Variants in ZNF165 observed in about 807,000 individuals in gnomAD.
ZNF165 encodes the protein zinc finger protein 165.
In ZNF165, 14 loss-of-function variants were observed where a neutral mutation model predicts 19.6. That is an observed-to-expected ratio of 0.71 (90% confidence interval 0.47 to 1.12). ZNF165 has a LOEUF of 1.12. Among genes scored for constraint, ZNF165 ranks in the 50% most tolerant of loss-of-function variants. The probability of loss-of-function intolerance (pLI) is 0.00; values close to 1 mark genes in which losing one functional copy is unlikely to be tolerated. For missense variants in ZNF165, 504 were observed against 566.3 expected (o/e 0.89, Z 1.12); for synonymous variants, 165 against 195.0 (o/e 0.85, Z 1.28).
At position 28,086,200 on chromosome 6, in the gene ZNF165, T is replaced by C. The variant is rs200718368; in HGVS notation, c.440T>C (p.Ile147Thr). The change falls in exon 3 of 4, where the codon ATA (isoleucine) becomes ACA (threonine). Residue 147 changes from isoleucine to threonine, a missense_variant. Physicochemically the swap from Ile to Thr is moderately conservative, Grantham distance 89 (BLOSUM62 -1). Transcript: ENST00000683778. Reference sequence around the variant, plus strand: ...CAAGCCCATGAACATGGACAAGAAATATTCCAGAAAAAAGTGTCACCTCCT... The same window carrying C: ...CAAGCCCATGAACATGGACAAGAAACATTCCAGAAAAAAGTGTCACCTCCT... Reference protein sequence around the residue: ...QVQAHEHGQEIFQKKVSPPGP... With the variant: ...QVQAHEHGQETFQKKVSPPGP... The C allele has an allele frequency of 1.2e-4, 194 of 1,614,118 alleles. No individual in the cohort carries two copies. In the Middle Eastern group the frequency reaches 2.3e-3, roughly 19 times the overall value.
chr6:28,081,827 A>G (rs1458367278), intron 1 of ZNF165, among the ~76,000 whole-genome samples: 1 of 152,242 alleles, frequency 6.6e-6, no homozygotes, highest in African/African-American at 2.4e-5. Flanking sequence ...TAGATGCTCA[A>G]TCAATATTTA....
intron 1 of ZNF165, among the ~76,000 whole-genome samples, chr6:28,084,154 T>A (rs1764217336): frequency 6.6e-6 from 1 of 152,182 alleles, no homozygotes; most frequent in Non-Finnish European, 1.5e-5. Flanking sequence ...AGGCCCCTAG[T>A]CTGCATCTCC....
At chr6:28,087,402 T>C (rs1351095348) in intron 3 of ZNF165, among the ~76,000 whole-genome samples, 1 of 152,138 alleles carries the variant, frequency 6.6e-6, no homozygotes, top group Non-Finnish European at 1.5e-5. Flanking sequence ...CCTGCCACCA[T>C]GCCCGGCTAA....
intron 1 of ZNF165, among the ~76,000 whole-genome samples, chr6:28,085,145 TTC>T (rs1313457259): frequency 6.6e-6 from 1 of 152,228 alleles, no homozygotes; most frequent in Non-Finnish European, 1.5e-5. Flanking sequence ...TATCCTTATT[TTC>T]TCTGTGACTT....
intron 2 of ZNF165, 22 bp from the exon 3 acceptor site, chr6:28,086,150 A>G: frequency 6.2e-7 from 1 of 1,605,644 alleles, no homozygotes; most frequent in Non-Finnish European, 8.5e-7. Flanking sequence ...TTATAAGCCC[A>G]AATGTACTTT....
chr6:28,084,345 G>A (rs1035965649), intron 1 of ZNF165, among the ~76,000 whole-genome samples: 1 of 152,180 alleles, frequency 6.6e-6, no homozygotes, highest in Non-Finnish European at 1.5e-5. Flanking sequence ...AGTCAACTTA[G>A]TGAAATGTTT....
rs1419200988 is a variant in ZNF165, at chr6:28,089,160, A to G, written c.1148A>G (p.Glu383Gly). 1.2e-6 allele frequency: 2 copies of G among 1,614,110 alleles called. No individual in the cohort carries two copies. Among genetic ancestry groups the G allele is most frequent in the African/African-American group, 2.7e-5 (2 of 74,944 alleles). The change falls in exon 4 of 4, where the codon GAG (glutamate) becomes GGG (glycine). Residue 383 changes from glutamate to glycine, a missense_variant. By Grantham distance (98) the Glu-to-Gly change is moderately conservative (BLOSUM62 -2). Coordinates refer to ENST00000683778, the MANE Select transcript of ZNF165 (RefSeq NM_001376491.1). ...AATGAATGTGGGAAAAGCTTTGCAG[A>G]GAGCTCAGATCTTACTAGACATCGG... Reference protein sequence around the residue: ...ECNECGKSFAESSDLTRHRRI... With the variant: ...ECNECGKSFAGSSDLTRHRRI...
intron 3 of ZNF165, among the ~76,000 whole-genome samples, chr6:28,088,134 G>A (rs1393586071): frequency 6.6e-6 from 1 of 152,186 alleles, no homozygotes; most frequent in East Asian, 1.9e-4. Context: ...ATACTTCACA[G>A]TCACTTATAG....
At chr6:28,087,021 C>A (rs1318883144) in intron 3 of ZNF165, among the ~76,000 whole-genome samples, 2 of 151,948 alleles carry the variant, frequency 1.3e-5, no homozygotes, top group Non-Finnish European at 2.9e-5. Context: ...TAACATAGAC[C>A]GTGATCCATA....
intron 1 of ZNF165, among the ~76,000 whole-genome samples, chr6:28,084,041 T>A (rs1764215503): frequency 6.6e-6 from 1 of 152,250 alleles, no homozygotes; most frequent in Non-Finnish European, 1.5e-5. Flanking sequence ...ATCTTTTCTA[T>A]TCTTCAAACT....
At position 28,089,262 on chromosome 6, in the gene ZNF165, G is replaced by A; in HGVS notation, c.1250G>A (p.Arg417Lys). The A allele has an allele frequency of 6.2e-7, 1 of 1,614,160 alleles. No homozygotes were observed. The highest frequency in any genetic ancestry group is 8.5e-7 in the Non-Finnish European group (1 of 1,180,030). Reference protein sequence around the residue: ...RAFNLNSHLIRHQRIHTREKP... With the variant: ...RAFNLNSHLIKHQRIHTREKP... ...TTCAACCTGAACTCACATCTTATCA[G>A]GCATCAGAGAATTCACACCAGAGAG... Residue 417 changes from arginine to lysine, a missense_variant, in exon 4 of 4, where the codon AGG becomes AAG. Coordinates refer to ENST00000683778, the MANE Select transcript of ZNF165 (RefSeq NM_001376491.1).
At position 28,086,305 on chromosome 6, in the gene ZNF165, A is replaced by C. The variant is rs765148128; in HGVS notation, c.545A>C (p.Asp182Ala). ...FDSSEPQLLW[D>A]CDNESENSRS... The stretch of plus-strand genomic sequence containing the variant: ...TCATCAGAACCCCAGCTCCTATGGG[A>C]CTGTGGTGAGGGGCAGAATGCCATA... Residue 182 changes from aspartate (D) to alanine (A), a missense_variant, in exon 3 of 4, where the codon GAC becomes GCC. By Grantham distance (126) the Asp-to-Ala change is moderately radical. Transcript: ENST00000683778. The C allele has an allele frequency of 6.2e-7, 1 of 1,613,078 alleles. No homozygotes were observed. Among genetic ancestry groups the C allele is most frequent in the Admixed American group, 1.7e-5 (1 of 59,606 alleles).
At position 28,080,872 on chromosome 6, in the gene ZNF165, G is replaced by T. The variant is rs2113680352; in HGVS notation, c.-99G>T. The T allele has an allele frequency of 6.6e-6, 1 of 152,346 alleles. No homozygotes were observed. Among genetic ancestry groups the T allele is most frequent in the Middle Eastern group, 3.4e-3 (1 of 296 alleles). 9.4% of individuals were successfully genotyped at this position (152,346 alleles called of 1,614,324 possible). A position where few individuals can be genotyped will look rare whatever the true frequency, so the allele number is the denominator to read the frequency against. On this transcript the variant is annotated 5_prime_UTR_variant, in exon 1 of 4. Coordinates refer to ENST00000683778, the MANE Select transcript of ZNF165 (RefSeq NM_001376491.1). ...GTAGTCCAAAGGCATCCCGCCTTCT[G>T]CGCAGACTCACAAGTCCCTGTGGAC...
At chr6:28,082,861 T>G (rs1764187625) in intron 1 of ZNF165, among the ~76,000 whole-genome samples, 1 of 152,246 alleles carries the variant, frequency 6.6e-6, no homozygotes, top group Admixed American at 6.5e-5. Flanking sequence ...TGTCTTATTA[T>G]CATCTTAAAT....
At chr6:28,082,875 G>A (rs966444266) in intron 1 of ZNF165, among the ~76,000 whole-genome samples, 8 of 152,122 alleles carry the variant, frequency 5.3e-5, no homozygotes, top group Admixed American at 3.9e-4. Flanking sequence ...CTTAAATACA[G>A]ATCATCCAAA....
intron 1 of ZNF165, among the ~76,000 whole-genome samples, chr6:28,082,951 TTAA>T (rs1275156956): frequency 2.0e-5 from 3 of 152,190 alleles, no homozygotes; most frequent in Non-Finnish European, 4.4e-5. Flanking sequence ...TTAAGAACAA[TTAA>T]TAATGCATGA....
Position 28,089,473 on chromosome 6 carries a change from A to G in ZNF165, c.*3A>G. 2 of 1,551,954 alleles carry G rather than the reference A, an allele frequency of 1.3e-6. No homozygotes were observed. Among genetic ancestry groups the G allele is most frequent in the South Asian group, 2.4e-5 (2 of 81,914 alleles). On this transcript the variant is annotated 3_prime_UTR_variant, in exon 4 of 4. Coordinates refer to ENST00000683778, the MANE Select transcript of ZNF165 (RefSeq NM_001376491.1). ...TGAGGGAAAACCTATTAATGTAAGG[A>G]ACTTAAATTTGTAAGTAAATGCTGA...
intron 1 of ZNF165, among the ~76,000 whole-genome samples, chr6:28,082,387 G>T (rs1380168458): frequency 6.6e-6 from 1 of 152,232 alleles, no homozygotes; most frequent in Non-Finnish European, 1.5e-5. Context: ...ATAGAGTGTG[G>T]AGTGGGAAAT....
rs1764353008 is a variant in ZNF165, at chr6:28,088,744, T to G, written c.732T>G (p.Ser244=). Residue 244 remains serine (S), a synonymous_variant, in exon 4 of 4, where the codon TCT becomes TCG. Coordinates refer to ENST00000683778, the MANE Select transcript of ZNF165 (RefSeq NM_001376491.1). Reference sequence around the variant, plus strand: ...AATGGGAAAAAGAATCAGGGGAGTCTCAGAGACTCTCGTCTGCCCAGGATG... The same window carrying G: ...AATGGGAAAAAGAATCAGGGGAGTCGCAGAGACTCTCGTCTGCCCAGGATG... ...KRQWEKESGE[S]QRLSSAQDEG... 3.7e-6 allele frequency: 6 copies of G among 1,614,138 alleles called. No individual in the cohort carries two copies. The East Asian group carries it at 1.3e-4, about 36-fold the overall frequency.
Sources: gnomAD v4.1 joint callset for allele counts (sites outside exome capture counted in the v4.1 genomes callset) on GRCh38, gnomAD v4.1.1 for gene constraint, MANE v1.5 for transcripts, NCBI Gene and HGNC (gene_info 2026-07-23, HGNC 2026-07-21) for gene names.